The following PPHLN1 variants were observed in gnomAD, a reference collection of about 807,000 sequenced individuals.
PPHLN1 encodes periphilin-1.
PPHLN1 carries 29 observed loss-of-function variants against 51.3 expected under a neutral mutation model. The ratio of observed to expected loss-of-function variants is 0.57; its 90% CI spans 0.42 to 0.77. The LOEUF is 0.77. Ranked by LOEUF, PPHLN1 falls within the 30% of genes least tolerant of loss-of-function variation. PPHLN1 has a pLI of 0.00. For synonymous variants in PPHLN1, 147 were observed against 147.8 expected (o/e 0.99, Z 0.04); for missense variants, 436 against 438.4 (o/e 0.99, Z 0.05).
chr12:42,438,156 A>C (rs570786577), intron 9 of PPHLN1, among the ~76,000 whole-genome samples: 1 of 152,352 alleles, frequency 6.6e-6, no homozygotes, highest in South Asian at 2.1e-4. Context: ...TTGTGTAGAC[A>C]TAAGTTTTCA....
intron 2 of PPHLN1, among the ~76,000 whole-genome samples, chr12:42,345,397 G>C (rs1295176319): frequency 4.0e-5 from 6 of 151,596 alleles, no homozygotes; most frequent in Non-Finnish European, 7.4e-5. Flanking sequence ...TGCCAGAGTA[G>C]GTAAATTATC....
chr12:42,365,509 C>T (rs1453344440), intron 4 of PPHLN1, among the ~76,000 whole-genome samples: 1 of 152,132 alleles, frequency 6.6e-6, no homozygotes, highest in East Asian at 1.9e-4. Context: ...TCACCGCTTA[C>T]CTGGTTTGAC....
chr12:42,360,234 G>C lies in PPHLN1; in HGVS notation c.299+5012G>C, dbSNP rs572283429. 1.3e-4 allele frequency among the ~76,000 whole-genome samples: 19 copies of C among 151,820 alleles called. 1 individual carries two copies. In the South Asian group the frequency reaches 4.0e-3, roughly 32 times the overall value. ...CTTTATAGCAAAAAACTTGAATCTG[G>C]GCTCATAAATCACATTTTCATAAGC... On this transcript the variant is annotated intron_variant, in intron 4 of 9. Transcript: ENST00000358314.
intron 5 of PPHLN1, among the ~76,000 whole-genome samples, chr12:42,381,221 C>T (rs1006690323): frequency 4.6e-5 from 7 of 152,144 alleles, no homozygotes; most frequent in East Asian, 1.9e-4. Flanking sequence ...CACAAGAGAG[C>T]TTTGGCTATG....
intron 9 of PPHLN1, among the ~76,000 whole-genome samples, chr12:42,410,888 G>T (rs1329912956): frequency 6.6e-6 from 1 of 152,114 alleles, no homozygotes; most frequent in Non-Finnish European, 1.5e-5. Flanking sequence ...GGGAAAGAAA[G>T]AAATTATTTT....
chr12:42,433,658 A>G (rs553974645), intron 9 of PPHLN1, among the ~76,000 whole-genome samples: 6 of 152,226 alleles, frequency 3.9e-5, no homozygotes, highest in African/African-American at 1.4e-4. Flanking sequence ...AGGAAATAAA[A>G]TGTTATTAAG....
At chr12:42,380,291 A>G (rs1271911331) in intron 5 of PPHLN1, among the ~76,000 whole-genome samples, 1 of 151,944 alleles carries the variant, frequency 6.6e-6, no homozygotes, top group African/African-American at 2.4e-5. Flanking sequence ...TTGCAAGTTT[A>G]TTGTTTATTT....
rs2077913683 is a variant in PPHLN1 at position 42,393,496 on chromosome 12, G to A, written c.649-74G>A. The A allele has an allele frequency of 4.4e-6, 6 of 1,374,422 alleles. No individual in the cohort carries two copies. The Middle Eastern group carries it at 7.5e-4, about 173-fold the overall frequency. The allele number at this position is 1,374,422 out of a possible 1,614,324, so 85.1% of individuals were successfully genotyped here. A position where few individuals can be genotyped will look rare whatever the true frequency, so the allele number is the denominator to read the frequency against. On this transcript the variant is annotated intron_variant, in intron 7 of 9. Coordinates refer to ENST00000358314, the MANE Select transcript of PPHLN1 (RefSeq NM_201439.2). ...GGCTTATATGATTTTAAATGTAAGT[G>A]GAGTGTACTTCTTGGTGTATTTGAA... is the stretch of plus-strand genomic sequence containing the variant.
At chr12:42,431,779 T>C (rs2082056183) in intron 9 of PPHLN1, 4 of 1,055,868 alleles carry the variant, frequency 3.8e-6, no homozygotes, top group Non-Finnish European at 1.5e-6. Context: ...CCAGAAGCAC[T>C]AGTCGGGCTA....
chr12:42,401,108 T>G (rs567131355), intron 9 of PPHLN1, among the ~76,000 whole-genome samples: 63 of 152,304 alleles, frequency 4.1e-4, no homozygotes, highest in Non-Finnish European at 7.2e-4. Context: ...CAGAGAATCT[T>G]AATTTCTTGC....
intron 8 of PPHLN1, 99 bp from the exon 9 acceptor site, chr12:42,398,755 G>T: frequency 1.0e-6 from 1 of 991,482 alleles, no homozygotes; most frequent in Non-Finnish European, 1.4e-6. Flanking sequence ...GTTAAATCTA[G>T]CACTTAATAT....
intron 5 of PPHLN1, among the ~76,000 whole-genome samples, chr12:42,381,028 G>A (rs2076714667): frequency 6.6e-6 from 1 of 152,238 alleles, no homozygotes. Flanking sequence ...TGAAGGGTTA[G>A]TAGAAGGTGA....
intron 5 of PPHLN1, among the ~76,000 whole-genome samples, chr12:42,377,747 G>C (rs2076393366): frequency 6.6e-6 from 1 of 152,166 alleles, no homozygotes; most frequent in South Asian, 2.1e-4. Context: ...GTTCTTACTT[G>C]AAAGCTTGTA....
intron 9 of PPHLN1, among the ~76,000 whole-genome samples, chr12:42,430,473 A>C (rs1368498437): frequency 1.3e-5 from 2 of 152,132 alleles, no homozygotes; most frequent in African/African-American, 4.8e-5. Flanking sequence ...TATACATATT[A>C]CATATACTAT....
At chr12:42,326,294 A>C (rs1051748880) in intron 1 of PPHLN1, 65 bp downstream of exon 1, 4 of 144,112 alleles carry the variant, frequency 2.8e-5, no homozygotes, top group African/African-American at 1.0e-4. Flanking sequence ...AACGGGGGGG[A>C]GTGGGCGGGA....
At chr12:42,344,229 T>C (rs1241995947) in intron 2 of PPHLN1, among the ~76,000 whole-genome samples, 1 of 152,216 alleles carries the variant, frequency 6.6e-6, no homozygotes, top group African/African-American at 2.4e-5. Context: ...TGTAAGTTGA[T>C]TGTGATAGGA....
At chr12:42,331,350 T>G (rs1457515584) in intron 1 of PPHLN1, among the ~76,000 whole-genome samples, 2 of 152,216 alleles carry the variant, frequency 1.3e-5, no homozygotes, top group African/African-American at 2.4e-5. Context: ...CCAGTTTGGT[T>G]AAAATGAAAA....
chr12:42,395,355 G>C (rs993478594), intron 8 of PPHLN1, among the ~76,000 whole-genome samples: 1 of 151,968 alleles, frequency 6.6e-6, no homozygotes, highest in Non-Finnish European at 1.5e-5. Context: ...CATTAATGTT[G>C]AACAGCAGCA....
intron 4 of PPHLN1, among the ~76,000 whole-genome samples, chr12:42,363,895 G>A (rs1263272612): frequency 1.3e-5 from 2 of 152,012 alleles, no homozygotes; most frequent in East Asian, 3.9e-4. Context: ...TTGTTTTCAG[G>A]TCATTTTTTC....
Sources: gnomAD v4.1 joint callset for allele counts (sites outside exome capture counted in the v4.1 genomes callset) on GRCh38, gnomAD v4.1.1 for gene constraint, MANE v1.5 for transcripts, NCBI Gene and HGNC (gene_info 2026-07-23, HGNC 2026-07-21) for gene names.